Variants in CRKL observed in about 807,000 individuals in gnomAD.
CRKL encodes CRK like proto-oncogene, adaptor protein, also known as crk-like protein.
A neutral mutation model predicts 23.0 loss-of-function variants in CRKL; 3 were observed. The ratio of observed to expected loss-of-function variants is 0.13; its 90% CI spans 0.06 to 0.34. The LOEUF is 0.34. CRKL is among the 10% of genes least tolerant of loss of function. The pLI, the probability that CRKL is intolerant of heterozygous loss-of-function variation, is 1.00. For synonymous variants in CRKL, 188 were observed against 160.7 expected (o/e 1.17, Z -1.28); for missense variants, 256 against 394.5 (o/e 0.65, Z 2.97).
chr22:20,918,317 G>A, intron 1 of CRKL, 72 bp downstream of exon 1: 1 of 1,515,104 alleles, frequency 6.6e-7, no homozygotes, highest in Non-Finnish European at 8.9e-7. Flanking sequence ...TTGTATAGGG[G>A]GGTGGGGCGC....
At chr22:20,924,684 G>T (rs1428108926) in intron 1 of CRKL, among the ~76,000 whole-genome samples, 1 of 151,936 alleles carries the variant, frequency 6.6e-6, no homozygotes, top group Non-Finnish European at 1.5e-5. Context: ...GTGAAACCCT[G>T]TCTCTACTAA....
At chr22:20,931,374 AC>A (rs1921447207) in intron 1 of CRKL, among the ~76,000 whole-genome samples, 1 of 152,122 alleles carries the variant, frequency 6.6e-6, no homozygotes, top group Non-Finnish European at 1.5e-5. Flanking sequence ...GCCACTCTGC[AC>A]TCCAGCCAGG....
intron 1 of CRKL, among the ~76,000 whole-genome samples, chr22:20,923,040 G>A (rs929867734): frequency 6.6e-6 from 1 of 152,126 alleles, no homozygotes; most frequent in African/African-American, 2.4e-5. Context: ...TCAGAAGGTA[G>A]CTTGCTTTGT....
intron 1 of CRKL, among the ~76,000 whole-genome samples, chr22:20,923,910 T>G (rs1357829112): frequency 6.7e-6 from 1 of 150,210 alleles, no homozygotes; most frequent in Non-Finnish European, 1.5e-5. Context: ...AGGTTGGCTG[T>G]GCTCGGTGGC....
At position 20,949,692 on chromosome 22, in the gene CRKL, GTCT is replaced by G. The variant is rs765751294; in HGVS notation, c.778-13_778-11del. The G allele has an allele frequency of 3.7e-5, 60 of 1,607,226 alleles. No individual in the cohort carries two copies. Among genetic ancestry groups the G allele is most frequent in the Non-Finnish European group, 4.9e-5 (58 of 1,178,362 alleles). On this transcript the variant is annotated splice_polypyrimidine_tract_variant and intron_variant, in intron 2 of 2. Transcript: ENST00000354336. The stretch of plus-strand genomic sequence containing the variant: ...CTTGTTGCAGAGAAATGCTAACTTT[GTCT>G]TCTTCATCCATACAGGTTGGTGACA...
intron 1 of CRKL, among the ~76,000 whole-genome samples, chr22:20,931,224 A>G (rs1285169268): frequency 6.6e-6 from 1 of 152,074 alleles, no homozygotes; most frequent in African/African-American, 2.4e-5. Flanking sequence ...CTGAAAACAT[A>G]GTGAGACCCC....
At chr22:20,949,662 T>C (rs940809741) in intron 2 of CRKL, 49 bp from the exon 3 acceptor site, 2 of 1,605,862 alleles carry the variant, frequency 1.2e-6, no homozygotes, top group African/African-American at 2.7e-5. Context: ...GTAAACTGTC[T>C]TTTTCTTGTT....
At position 20,917,601 on chromosome 22, in the gene CRKL, C is replaced by T. The variant is rs575783216; in HGVS notation, c.-334C>T. 26 of 360,372 alleles carry T rather than the reference C, an allele frequency of 7.2e-5. No homozygotes were observed. Among genetic ancestry groups the T allele is most frequent in the African/African-American group, 5.3e-4 (25 of 47,564 alleles). The allele number at this position is 360,372 out of a possible 1,614,324, so 22.3% of individuals were successfully genotyped here. A position where few individuals can be genotyped will look rare whatever the true frequency, so the allele number is the denominator to read the frequency against. Reference sequence around the variant, plus strand: ...GCTGCGGCGCCGGCGCGTTCCAGGCCGGGAGTCACTGGAGGCACCCCTGGG... The same window carrying T: ...GCTGCGGCGCCGGCGCGTTCCAGGCTGGGAGTCACTGGAGGCACCCCTGGG... On this transcript the variant is annotated 5_prime_UTR_variant, in exon 1 of 3. Transcript: ENST00000354336.
intron 1 of CRKL, among the ~76,000 whole-genome samples, chr22:20,922,855 T>C (rs888290984): frequency 1.3e-5 from 2 of 152,062 alleles, no homozygotes; most frequent in African/African-American, 4.8e-5. Context: ...GTATTTTTGG[T>C]AGAGACAGGG....
At chr22:20,947,242 T>TC (rs1037830172) in intron 2 of CRKL, among the ~76,000 whole-genome samples, 85 of 90,000 alleles carry the variant, frequency 9.4e-4, no homozygotes, top group African/African-American at 2.6e-3. Flanking sequence ...TCTCTCTCTC[T>TC]TTTTTTTTTT....
intron 2 of CRKL, among the ~76,000 whole-genome samples, chr22:20,943,278 C>G (rs1467612093): frequency 6.6e-6 from 1 of 152,054 alleles, no homozygotes; most frequent in Non-Finnish European, 1.5e-5. Flanking sequence ...CTCTGTCGCC[C>G]TGGCTGGAGT....
chr22:20,924,075 C>T (rs1921101360), intron 1 of CRKL, among the ~76,000 whole-genome samples: 1 of 152,062 alleles, frequency 6.6e-6, no homozygotes, highest in Non-Finnish European at 1.5e-5. Flanking sequence ...TAAGTCCCAG[C>T]TACTTGGGAG....
At chr22:20,926,078 A>T (rs2147898027) in intron 1 of CRKL, among the ~76,000 whole-genome samples, 1 of 152,302 alleles carries the variant, frequency 6.6e-6, no homozygotes, top group Admixed American at 6.5e-5. Flanking sequence ...TGATTCTTTA[A>T]GGATGAGAAC....
At chr22:20,945,943 A>T (rs538154260) in intron 2 of CRKL, among the ~76,000 whole-genome samples, 1 of 152,278 alleles carries the variant, frequency 6.6e-6, no homozygotes, top group Admixed American at 6.5e-5. Context: ...TTTGTTTTAG[A>T]TATTTTGGGG....
rs1055757512 is a variant in CRKL, at chr22:20,922,404, T to C, written c.311+4159T>C. On this transcript the variant is annotated intron_variant, in intron 1 of 2. Coordinates refer to ENST00000354336, the MANE Select transcript of CRKL (RefSeq NM_005207.4). ...ATCAGGGTCAGGAATTGGGTTTTTA[T>C]TTAAAGTGCTGTGGGCTCCAAGGAA... Among the ~76,000 whole-genome samples the C allele has an allele frequency of 2.1e-4, 32 of 152,126 alleles. 2 individuals are homozygous for C. The highest frequency in any genetic ancestry group is 1.9e-3 in the South Asian group (9 of 4,832).
rs1929743161 is a variant in CRKL, at chr22:20,917,744, G to A, written c.-191G>A. 3 of 615,052 alleles carry A rather than the reference G, an allele frequency of 4.9e-6. No individual in the cohort carries two copies. The highest frequency in any genetic ancestry group is 8.4e-6 in the Non-Finnish European group (3 of 358,712). 38.1% of individuals were successfully genotyped at this position (615,052 alleles called of 1,614,324 possible). On this transcript the variant is annotated 5_prime_UTR_variant, in exon 1 of 3. Coordinates refer to ENST00000354336, the MANE Select transcript of CRKL (RefSeq NM_005207.4). Reference sequence around the variant, plus strand: ...GCTCTCTCCGTGTGGCGGCCCCGGAGCAGGCGGGCGGCGTCGGAGGATGCT... The same window carrying A: ...GCTCTCTCCGTGTGGCGGCCCCGGAACAGGCGGGCGGCGTCGGAGGATGCT...
chr22:20,945,316 A>G (rs922960733), intron 2 of CRKL, among the ~76,000 whole-genome samples: 3 of 152,234 alleles, frequency 2.0e-5, no homozygotes, highest in African/African-American at 7.2e-5. Context: ...TTAATTATTC[A>G]TTACCAATAT....
intron 2 of CRKL, among the ~76,000 whole-genome samples, chr22:20,941,588 A>ATATTTTTTTTTTT (rs1247116681): frequency 3.0e-5 from 1 of 33,554 alleles, no homozygotes; most frequent in Non-Finnish European, 5.0e-5. Context: ...GTATATATAT[A>ATATTTTTTTTTTT]TTTTTTTTTT....
rs913023853 is a variant in CRKL at position 20,950,242 on chromosome 22, G to C, written c.*397G>C. The stretch of plus-strand genomic sequence containing the variant: ...ATGTTTGCTGTTCCACAAAGCAGTG[G>C]CTTAGCTGCCATCTTGCTTTTCTTT... On this transcript the variant is annotated 3_prime_UTR_variant, in exon 3 of 3. Transcript: ENST00000354336. 3.3e-5 allele frequency: 8 copies of C among 241,500 alleles called. No homozygotes were observed. The highest frequency in any genetic ancestry group is 5.6e-5 in the Non-Finnish European group (7 of 124,294). 15.0% of individuals were successfully genotyped at this position (241,500 alleles called of 1,614,324 possible).
Sources: gnomAD v4.1 joint callset for allele counts (sites outside exome capture counted in the v4.1 genomes callset) on GRCh38, gnomAD v4.1.1 for gene constraint, MANE v1.5 for transcripts, NCBI Gene and HGNC (gene_info 2026-07-23, HGNC 2026-07-21) for gene names.